Variants in ARHGEF38 observed in about 807,000 individuals in gnomAD.
The protein encoded by ARHGEF38 is Rho guanine nucleotide exchange factor 38.
A neutral mutation model predicts 79.9 loss-of-function variants in ARHGEF38; 79 were observed. The ratio of observed to expected loss-of-function variants is 0.99; its 90% CI spans 0.82 to 1.19. The LOEUF (loss-of-function observed/expected upper bound fraction) is 1.19. ARHGEF38 is among the 50% of genes most tolerant of loss of function. The pLI is 0.00. For synonymous variants in ARHGEF38, 366 were observed against 328.3 expected (o/e 1.11, Z -1.24); for missense variants, 962 against 907.2 (o/e 1.06, Z -0.78).
At chr4:105,615,876 T>A (rs1370295484) in intron 3 of ARHGEF38, among the ~76,000 whole-genome samples, 3 of 152,184 alleles carry the variant, frequency 2.0e-5, no homozygotes, top group African/African-American at 7.2e-5. Flanking sequence ...TGATGCTGTT[T>A]GGATATGAAC....
intron 1 of ARHGEF38, among the ~76,000 whole-genome samples, chr4:105,553,989 GTTAAATTAAATGCAT>G (rs1247164850): frequency 6.6e-6 from 1 of 151,828 alleles, no homozygotes; most frequent in Non-Finnish European, 1.5e-5. Context: ...AGTTAAATAA[GTTAAATTAAATGCAT>G]TTAAATTAAA....
intron 3 of ARHGEF38, among the ~76,000 whole-genome samples, chr4:105,626,516 G>A (rs975185878): frequency 2.0e-5 from 3 of 152,050 alleles, no homozygotes; most frequent in African/African-American, 7.2e-5. Context: ...GTCACACATC[G>A]AGTAAATGGT....
intron 1 of ARHGEF38, among the ~76,000 whole-genome samples, chr4:105,556,317 T>C (rs1398592938): frequency 6.6e-6 from 1 of 152,158 alleles, no homozygotes; most frequent in Non-Finnish European, 1.5e-5. Context: ...AGAAAACATG[T>C]CTGACCTTTA....
intron 2 of ARHGEF38, among the ~76,000 whole-genome samples, chr4:105,595,583 A>T (rs764127890): frequency 7.2e-5 from 11 of 152,180 alleles, no homozygotes; most frequent in Non-Finnish European, 1.6e-4. Flanking sequence ...TGGAATAGGA[A>T]TTATACCATA....
At chr4:105,598,943 A>G (rs1727704758) in intron 2 of ARHGEF38, among the ~76,000 whole-genome samples, 1 of 152,214 alleles carries the variant, frequency 6.6e-6, no homozygotes, top group African/African-American at 2.4e-5. Flanking sequence ...GTGTTAATAC[A>G]TAATATCTAA....
chr4:105,653,224 C>A (rs1017993693), intron 7 of ARHGEF38, among the ~76,000 whole-genome samples: 1 of 152,032 alleles, frequency 6.6e-6, no homozygotes, highest in Non-Finnish European at 1.5e-5. Flanking sequence ...ATACATGTGA[C>A]ACTATCTTAA....
At chr4:105,577,053 A>G (rs968267906) in intron 1 of ARHGEF38, among the ~76,000 whole-genome samples, 3 of 151,744 alleles carry the variant, frequency 2.0e-5, no homozygotes, top group South Asian at 2.1e-4. Flanking sequence ...TATGTTCAAA[A>G]GAAATATTGG....
chr4:105,564,665 A>G (rs1298491009), intron 1 of ARHGEF38, among the ~76,000 whole-genome samples: 1 of 152,242 alleles, frequency 6.6e-6, no homozygotes, highest in East Asian at 1.9e-4. Context: ...ATAAAAAATG[A>G]TAAAAAAGTT....
rs539801899 is a variant in ARHGEF38, at chr4:105,621,416, G to A, written c.508+7909G>A. On this transcript the variant is annotated intron_variant, in intron 3 of 13. Coordinates refer to ENST00000420470, the MANE Select transcript of ARHGEF38 (RefSeq NM_001242729.2). ...TACTGGCTTACCTCATGCATAGTGC[G>A]CTGAGAATCAGACTGAAAGAAGCTT... Among the ~76,000 whole-genome samples, 30 of 152,286 alleles carry A rather than the reference G, an allele frequency of 2.0e-4. 1 individual carries two copies. In the South Asian group the frequency reaches 6.2e-3, roughly 32 times the overall value.
chr4:105,638,607 T>A (rs1327806535), intron 5 of ARHGEF38, among the ~76,000 whole-genome samples: 1 of 152,110 alleles, frequency 6.6e-6, no homozygotes, highest in Non-Finnish European at 1.5e-5. Flanking sequence ...CAATCAGCAG[T>A]CACATTCCAA....
chr4:105,638,209 T>G (rs1276371647), intron 5 of ARHGEF38, among the ~76,000 whole-genome samples: 1 of 152,142 alleles, frequency 6.6e-6, no homozygotes, highest in Non-Finnish European at 1.5e-5. Context: ...TCAAAAATTA[T>G]CCGTTTTTTA....
At position 105,630,945 on chromosome 4, in the gene ARHGEF38, A is replaced by C; in HGVS notation, c.556A>C (p.Ile186Leu). ...AGGGCCACTGGAAGATATTTATAAAATCTACTGCTATCACCATGATGAAGC... is the reference window on the plus strand; with the variant it reads ...AGGGCCACTGGAAGATATTTATAAACTCTACTGCTATCACCATGATGAAGC... ...IKGPLEDIYKIYCYHHDEAHS... is the reference protein window; with the variant it reads ...IKGPLEDIYKLYCYHHDEAHS... Residue 186 changes from isoleucine to leucine, a missense_variant, in exon 4 of 14, where the codon ATC (isoleucine) becomes CTC (leucine). Physicochemically the swap from Ile to Leu is conservative, Grantham distance 5. Transcript: ENST00000420470. 5 of 1,612,840 alleles carry C rather than the reference A, an allele frequency of 3.1e-6. No individual in the cohort carries two copies. The highest frequency in any genetic ancestry group is 4.2e-6 in the Non-Finnish European group (5 of 1,179,594).
At position 105,654,076 on chromosome 4, in the gene ARHGEF38, T is replaced by C. The variant is rs1040543689; in HGVS notation, c.1020T>C (p.Asn340=). ...CATATATATTTTAGGTTAAAGACAA[T>C]ACCTTTAACAGAGAAGAAAAGCTGT... The part of the protein sequence containing the change: ...LTRGESQVKD[N]TFNREEKLFR... Residue 340 remains asparagine, a synonymous_variant, in exon 8 of 14, where the codon AAT becomes AAC. Transcript: ENST00000420470. 7.4e-6 allele frequency: 11 copies of C among 1,485,736 alleles called. No individual in the cohort carries two copies. In the African/African-American group the frequency reaches 1.3e-4, roughly 17 times the overall value. The allele number at this position is 1,485,736 out of a possible 1,614,324, so 92.0% of individuals were successfully genotyped here.
chr4:105,592,093 C>T (rs1727368496), intron 2 of ARHGEF38, among the ~76,000 whole-genome samples: 1 of 152,118 alleles, frequency 6.6e-6, no homozygotes, highest in South Asian at 2.1e-4. Flanking sequence ...TCCTCCCTGT[C>T]AACTCTTATT....
At chr4:105,613,986 T>A (rs1052174270) in intron 3 of ARHGEF38, among the ~76,000 whole-genome samples, 2 of 152,164 alleles carry the variant, frequency 1.3e-5, no homozygotes, top group Admixed American at 6.6e-5. Context: ...TTCTACTTTT[T>A]TTCATGCTCT....
In ARHGEF38 at chr4:105,673,337, C is replaced by T. The variant is rs753984257; in HGVS notation, c.2149-4415C>T. On this transcript the variant is annotated intron_variant, in intron 13 of 13. Transcript: ENST00000420470. The stretch of plus-strand genomic sequence containing the variant: ...TCTCAAAAAGGACTAGGTTTAATAA[C>T]GGCTAAAACCCAGTTTTGGGGGGCA... Among the ~76,000 whole-genome samples the T allele has an allele frequency of 3.8e-4, 58 of 152,070 alleles. 1 individual carries two copies. The highest frequency in any genetic ancestry group is 3.2e-3 in the Middle Eastern group (1 of 316).
intron 1 of ARHGEF38, among the ~76,000 whole-genome samples, chr4:105,554,050 TA>T (rs533108404): frequency 2.7e-4 from 40 of 149,312 alleles, no homozygotes; most frequent in East Asian, 2.3e-3. Flanking sequence ...TGTGTAAAAA[TA>T]AAAAAAAAAT....
chr4:105,559,131 A>G lies in ARHGEF38; in HGVS notation c.196+6170A>G, dbSNP rs563047476. Among the ~76,000 whole-genome samples, 37 of 152,136 alleles carry G rather than the reference A, an allele frequency of 2.4e-4. No homozygotes were observed. In the East Asian group the frequency reaches 6.8e-3, roughly 28 times the overall value. The stretch of plus-strand genomic sequence containing the variant: ...AGCATCAGTACCTTTATGAATATTG[A>G]TTTCCTGATAAAAGTAGAATTATTG... On this transcript the variant is annotated intron_variant, in intron 1 of 13. Transcript: ENST00000420470.
intron 1 of ARHGEF38, among the ~76,000 whole-genome samples, chr4:105,569,407 C>G (rs965358050): frequency 6.6e-6 from 1 of 152,130 alleles, no homozygotes; most frequent in African/African-American, 2.4e-5. Flanking sequence ...CCAAGGAGGG[C>G]AATTTCCTGA....
Sources: allele counts gnomAD v4.1 joint callset (sites outside exome capture counted in the v4.1 genomes callset), GRCh38; gene constraint gnomAD v4.1.1; transcripts MANE v1.5; gene names NCBI Gene and HGNC (gene_info 2026-07-23, HGNC 2026-07-21).